Variants in KDM3A observed in about 807,000 individuals in gnomAD.
KDM3A encodes lysine demethylase 3A.
In KDM3A, 60 loss-of-function variants were observed where a neutral mutation model predicts 158.0. The ratio of observed to expected loss-of-function variants is 0.38; its 90% CI spans 0.31 to 0.47. The LOEUF (loss-of-function observed/expected upper bound fraction) is 0.47. Ranked by LOEUF, KDM3A falls within the 20% of genes least tolerant of loss-of-function variation. The probability of loss-of-function intolerance (pLI) is 0.99; values close to 1 mark genes in which losing one functional copy is unlikely to be tolerated. For missense variants in KDM3A, 1,319 were observed against 1,574.3 expected, an observed-to-expected ratio of 0.84 and a Z score of 2.74; for synonymous variants, 608 against 549.3, an observed-to-expected ratio of 1.11 and a Z score of -1.49.
At chr2:86,489,104 C>T (rs1294231113) in intron 21 of KDM3A, 4 of 507,966 alleles carry the variant, frequency 7.9e-6, no homozygotes, top group South Asian at 2.3e-5. Flanking sequence ...GCTTTAACCA[C>T]TTCCATTTCC....
At chr2:86,487,256 A>C (rs978147883) in intron 21 of KDM3A, 1 of 152,222 alleles carries the variant, frequency 6.6e-6, no homozygotes, top group African/African-American at 2.4e-5. Flanking sequence ...AATAGATGGC[A>C]GTGTTACTCT....
At chr2:86,475,771 A>G (rs924622377) in intron 12 of KDM3A, among the ~76,000 whole-genome samples, 7 of 152,374 alleles carry the variant, frequency 4.6e-5, no homozygotes, top group South Asian at 4.1e-4. Flanking sequence ...AAGCCTTTCT[A>G]TTCCTCTGGT....
Position 86,477,867 on chromosome 2 carries a change from A to AT in KDM3A, c.1940-5dup. The AT allele has an allele frequency of 6.3e-7, 1 of 1,587,926 alleles. No homozygotes were observed. Reference sequence around the variant, plus strand: ...CTTCCAAAGACTAAGTGATTTACTGATTTTTGCAGGACAGGTTGCTTGGAA... The same window carrying AT: ...CTTCCAAAGACTAAGTGATTTACTGATTTTTTGCAGGACAGGTTGCTTGGAA... On this transcript the variant is annotated splice_polypyrimidine_tract_variant and intron_variant, in intron 12 of 25. Coordinates refer to ENST00000312912, the MANE Select transcript of KDM3A (RefSeq NM_018433.6).
intron 20 of KDM3A, 127 bp downstream of exon 20, chr2:86,485,156 T>C: frequency 1.6e-6 from 1 of 608,646 alleles, no homozygotes; most frequent in South Asian, 2.2e-5. Context: ...TGCCACTGAT[T>C]TTTCATTTCT....
At chr2:86,472,918 C>T (rs1168539639) in intron 11 of KDM3A, among the ~76,000 whole-genome samples, 1 of 152,112 alleles carries the variant, frequency 6.6e-6, no homozygotes, top group African/African-American at 2.4e-5. Flanking sequence ...TTGGACATAC[C>T]TTCTTTACCT....
intron 2 of KDM3A, chr2:86,443,141 C>T (rs956268691): frequency 1.3e-5 from 2 of 152,180 alleles, no homozygotes; most frequent in African/African-American, 4.8e-5. Context: ...AACAAAGACT[C>T]CAAAGTGGTG....
intron 15 of KDM3A, 116 bp downstream of exon 15, chr2:86,478,851 G>A: frequency 3.2e-6 from 3 of 951,694 alleles, no homozygotes; most frequent in Non-Finnish European, 4.7e-6. Context: ...TAGCTATCAA[G>A]TGGAAAGAGA....
intron 8 of KDM3A, among the ~76,000 whole-genome samples, chr2:86,463,435 T>G (rs900550133): frequency 5.9e-5 from 9 of 152,108 alleles, no homozygotes; most frequent in Non-Finnish European, 1.3e-4. Context: ...GAAGATTAAG[T>G]TACCTGAAAA....
In KDM3A at chr2:86,455,066, A is replaced by G. The variant is rs1184623351; in HGVS notation, c.454-19A>G. On this transcript the variant is annotated intron_variant, in intron 4 of 25. Transcript: ENST00000312912. ...TATTAACTGTTACCCTTAACATGTA[A>G]TGATCTTTCATTTTTCAGGATGTAA... 6 of 1,390,700 alleles carry G rather than the reference A, an allele frequency of 4.3e-6. No individual in the cohort carries two copies. The highest frequency in any genetic ancestry group is 2.1e-5 in the Admixed American group (1 of 48,680). 86.1% of individuals were successfully genotyped at this position (1,390,700 alleles called of 1,614,324 possible).
chr2:86,445,408 T>C lies in KDM3A; in HGVS notation c.186+3175T>C, dbSNP rs139264401. On this transcript the variant is annotated intron_variant, in intron 2 of 25. Transcript: ENST00000312912. ...TCTACTTGAGTATGAAATGAGTTGC[T>C]TCCTAGCTGATTTTGTTCACATAAT... is the stretch of plus-strand genomic sequence containing the variant. Among the ~76,000 whole-genome samples, 10 of 152,336 alleles carry C rather than the reference T, an allele frequency of 6.6e-5. No homozygotes were observed. The East Asian group carries it at 1.9e-3, about 29-fold the overall frequency.
chr2:86,486,443 G>A (rs896441360), intron 21 of KDM3A, among the ~76,000 whole-genome samples: 3 of 152,098 alleles, frequency 2.0e-5, no homozygotes, highest in Non-Finnish European at 4.4e-5. Flanking sequence ...TGAGATCTTC[G>A]TCAGTTTTAC....
At chr2:86,464,330 G>A in intron 9 of KDM3A, 114 bp downstream of exon 9, 1 of 676,622 alleles carries the variant, frequency 1.5e-6, no homozygotes, top group Non-Finnish European at 2.3e-6. Flanking sequence ...GAGTTTCTGA[G>A]AAAAGATGGA....
At chr2:86,453,385 G>A (rs1295550377) in intron 4 of KDM3A, among the ~76,000 whole-genome samples, 1 of 152,104 alleles carries the variant, frequency 6.6e-6, no homozygotes, top group Non-Finnish European at 1.5e-5. Flanking sequence ...TAGGATACTT[G>A]CTCTAGATAA....
At position 86,484,230 on chromosome 2, in the gene KDM3A, G is replaced by C. The variant is rs551780930; in HGVS notation, c.3094+72G>C. ...GGACACAGGAATGGCAGGAGTCTGA[G>C]ACCCATCAGTGGCAGCCGCAGCATT... On this transcript the variant is annotated intron_variant, in intron 19 of 25. Transcript: ENST00000312912. The C allele has an allele frequency of 3.7e-6, 5 of 1,345,886 alleles. No individual in the cohort carries two copies. In the Admixed American group the frequency reaches 1.1e-4, roughly 29 times the overall value. The allele number at this position is 1,345,886 out of a possible 1,614,324, so 83.4% of individuals were successfully genotyped here.
At position 86,484,055 on chromosome 2, in the gene KDM3A, A is replaced by G. The variant is rs72932308; in HGVS notation, c.2991A>G (p.Lys997=). 113 of 1,614,036 alleles carry G rather than the reference A, an allele frequency of 7.0e-5. No individual in the cohort carries two copies. In the African/African-American group the frequency reaches 1.4e-3, roughly 20 times the overall value. Reference sequence around the variant, plus strand: ...TTTGGAAACCTGAATCCTTCAGGAAAGAGTTTGGTGAGCAGGAAGTAGACC... The same window carrying G: ...TTTGGAAACCTGAATCCTTCAGGAAGGAGTTTGGTGAGCAGGAAGTAGACC... ...SELWKPESFR[K]EFGEQEVDLV... The change falls in exon 19 of 26, where the codon AAA becomes AAG. Residue 997 remains lysine, a synonymous_variant. Coordinates refer to ENST00000312912, the MANE Select transcript of KDM3A (RefSeq NM_018433.6).
chr2:86,478,097 G>A lies in KDM3A; in HGVS notation c.2092+68G>A, dbSNP rs1002263776. ...AAATCAAGTGTTTTTGTTGATTTGTGTTTGGCGGGTTTCTTGAAGCATGTG... is the reference window on the plus strand; with the variant it reads ...AAATCAAGTGTTTTTGTTGATTTGTATTTGGCGGGTTTCTTGAAGCATGTG... On this transcript the variant is annotated intron_variant, in intron 13 of 25. Transcript: ENST00000312912. 8 of 1,609,692 alleles carry A rather than the reference G, an allele frequency of 5.0e-6. No individual in the cohort carries two copies. The African/African-American group carries it at 1.1e-4, about 22-fold the overall frequency.
intron 4 of KDM3A, among the ~76,000 whole-genome samples, 175 bp downstream of exon 4, chr2:86,451,388 G>A (rs1672462492): frequency 6.6e-6 from 1 of 152,064 alleles, no homozygotes; most frequent in South Asian, 2.1e-4. Flanking sequence ...ATAGCTTACT[G>A]TTGACCATAA....
intron 5 of KDM3A, 65 bp from the exon 6 acceptor site, chr2:86,456,377 A>G (rs915149892): frequency 1.7e-5 from 19 of 1,138,232 alleles, no homozygotes; most frequent in Admixed American, 3.3e-5. Flanking sequence ...ATTGTCCTGG[A>G]TGATGTTGCT....
chr2:86,447,853 T>C (rs1573142115), intron 2 of KDM3A, among the ~76,000 whole-genome samples: 1 of 152,240 alleles, frequency 6.6e-6, no homozygotes, highest in African/African-American at 2.4e-5. Context: ...CTCATTCCTC[T>C]TATACCACAT....
Sources: allele counts gnomAD v4.1 joint callset (sites outside exome capture counted in the v4.1 genomes callset), GRCh38; gene constraint gnomAD v4.1.1; transcripts MANE v1.5; gene names NCBI Gene and HGNC (gene_info 2026-07-23, HGNC 2026-07-21).